IARS2: variants seen among roughly 807,000 people sequenced by gnomAD.
IARS2 encodes isoleucyl-tRNA synthetase 2, mitochondrial.
In IARS2, 56 loss-of-function variants were observed where a neutral mutation model predicts 126.3. The ratio of observed to expected loss-of-function variants is 0.44; its 90% confidence interval spans 0.36 to 0.55. IARS2 has a LOEUF of 0.55. Among genes scored for constraint, IARS2 ranks in the 20% least tolerant of loss-of-function variants. The pLI is 0.00. For missense variants in IARS2, 1,127 were observed against 1,245.9 expected (o/e 0.90, Z 1.44); for synonymous variants, 407 against 441.1 (o/e 0.92, Z 0.97).
intron 19 of IARS2, among the ~76,000 whole-genome samples, 194 bp downstream of exon 19, chr1:220,140,483 G>A (rs1657465179): frequency 6.6e-6 from 1 of 152,146 alleles, no homozygotes. Flanking sequence ...GGAGACTGAG[G>A]CACGAGAATC....
At chr1:220,139,934 T>C (rs1337397477) in intron 18 of IARS2, among the ~76,000 whole-genome samples, 2 of 152,192 alleles carry the variant, frequency 1.3e-5, no homozygotes, top group African/African-American at 2.4e-5. Flanking sequence ...ATTTTGTTAT[T>C]TACAATCTCA....
chr1:220,110,153 G>T (rs1656767777), intron 10 of IARS2, among the ~76,000 whole-genome samples: 1 of 151,306 alleles, frequency 6.6e-6, no homozygotes, highest in Non-Finnish European at 1.5e-5. Context: ...TTTAGCTTAG[G>T]TTCAAATGAT....
chr1:220,140,125 A>C, intron 18 of IARS2, 58 bp from the exon 19 acceptor site: 3 of 960,194 alleles, frequency 3.1e-6, no homozygotes, highest in Non-Finnish European at 5.1e-6. Context: ...GCTTGTGATG[A>C]CTTACATTTT....
intron 14 of IARS2, among the ~76,000 whole-genome samples, chr1:220,129,663 A>G (rs1220148532): frequency 6.6e-6 from 1 of 152,136 alleles, no homozygotes; most frequent in Non-Finnish European, 1.5e-5. Flanking sequence ...AGTTCCATCC[A>G]TGTTGCTGCT....
chr1:220,114,273 C>G (rs978549848), intron 11 of IARS2, 41 bp from the exon 12 acceptor site: 1 of 1,556,998 alleles, frequency 6.4e-7, no homozygotes, highest in African/African-American at 1.4e-5. Flanking sequence ...AATACTTGTT[C>G]TGCTTTCTCT....
At chr1:220,123,478 T>C (rs1039713677) in intron 12 of IARS2, among the ~76,000 whole-genome samples, 1 of 152,190 alleles carries the variant, frequency 6.6e-6, no homozygotes, top group African/African-American at 2.4e-5. Flanking sequence ...ATTTATTTAT[T>C]TATTATTTTT....
At chr1:220,120,358 AG>A (rs1400046275) in intron 12 of IARS2, among the ~76,000 whole-genome samples, 1 of 148,648 alleles carries the variant, frequency 6.7e-6, no homozygotes, top group Non-Finnish European at 1.5e-5. Context: ...CTGGGATTAT[AG>A]GCGTGAACCA....
At chr1:220,140,080 C>T in intron 18 of IARS2, 103 bp from the exon 19 acceptor site, 1 of 699,868 alleles carries the variant, frequency 1.4e-6, no homozygotes, top group Admixed American at 2.4e-5. Context: ...TTGTATTTGT[C>T]TCATTGAAAC....
chr1:220,105,231 C>T (rs1446808089), intron 8 of IARS2, among the ~76,000 whole-genome samples: 2 of 152,216 alleles, frequency 1.3e-5, no homozygotes, highest in Admixed American at 6.5e-5. Flanking sequence ...TGAGCTACTG[C>T]ACCCAGCCCC....
Position 220,103,544 on chromosome 1 carries a change from A to T in IARS2, c.1048A>T (p.Thr350Ser). The T allele has an allele frequency of 2.5e-6, 4 of 1,607,702 alleles. No individual in the cohort carries two copies. The highest frequency in any genetic ancestry group is 3.4e-6 in the Non-Finnish European group (4 of 1,174,292). The change falls in exon 8 of 23, where the codon ACT (threonine) becomes TCT (serine). Residue 350 changes from threonine to serine, a missense_variant. Coordinates refer to ENST00000366922, the MANE Select transcript of IARS2 (RefSeq NM_018060.4). Reference protein sequence around the residue: ...VASTLETTFETISTLSGVDLE... With the variant: ...VASTLETTFESISTLSGVDLE... ...TTCTACTTTGGAAACAACATTTGAGACTATTTCAACACTTTCAGGTGAAGA... is the reference window on the plus strand; with the variant it reads ...TTCTACTTTGGAAACAACATTTGAGTCTATTTCAACACTTTCAGGTGAAGA...
At chr1:220,133,692 A>T (rs541929083) in intron 14 of IARS2, among the ~76,000 whole-genome samples, 1 of 152,178 alleles carries the variant, frequency 6.6e-6, no homozygotes, top group Non-Finnish European at 1.5e-5. Flanking sequence ...ATAAAGTATC[A>T]TGAAGAATTA....
chr1:220,101,333 C>T (rs1291747239), intron 3 of IARS2, among the ~76,000 whole-genome samples: 1 of 152,078 alleles, frequency 6.6e-6, no homozygotes, highest in Non-Finnish European at 1.5e-5. Flanking sequence ...TTTGCAATTC[C>T]AGTTAATTTT....
chr1:220,132,391 T>C (rs1657288146), intron 14 of IARS2, among the ~76,000 whole-genome samples: 1 of 152,204 alleles, frequency 6.6e-6, no homozygotes, highest in Non-Finnish European at 1.5e-5. Flanking sequence ...GGTTTAATCT[T>C]GGTAGGTTGT....
At chr1:220,101,379 C>T (rs1350601149) in intron 3 of IARS2, among the ~76,000 whole-genome samples, 2 of 152,130 alleles carry the variant, frequency 1.3e-5, no homozygotes, top group Non-Finnish European at 2.9e-5. Context: ...ACACTGTTGA[C>T]CTTCAAATTA....
In IARS2 at chr1:220,144,257, T is replaced by C. The variant is rs1657544098; in HGVS notation, c.2751+1123T>C. On this transcript the variant is annotated intron_variant, in intron 21 of 22. Coordinates refer to ENST00000366922, the MANE Select transcript of IARS2 (RefSeq NM_018060.4). ...ACGGTGAGAAACAGGATGATGACTT[T>C]GGAGCACGGCCTAATAAGCACCTGG... 3 of 766,038 alleles carry C rather than the reference T, an allele frequency of 3.9e-6. No homozygotes were observed. The African/African-American group carries it at 5.1e-5, about 13-fold the overall frequency. 47.5% of individuals were successfully genotyped at this position (766,038 alleles called of 1,614,324 possible).
chr1:220,145,149 G>A (rs1486911931), intron 21 of IARS2, among the ~76,000 whole-genome samples: 1 of 151,504 alleles, frequency 6.6e-6, no homozygotes, highest in Admixed American at 6.6e-5. Flanking sequence ...ACCACGTATG[G>A]GTTGAGAATC....
intron 12 of IARS2, among the ~76,000 whole-genome samples, chr1:220,114,902 G>C (rs556837230): frequency 6.6e-6 from 1 of 151,218 alleles, no homozygotes; most frequent in South Asian, 2.1e-4. Flanking sequence ...GTAGTTAAAT[G>C]CACATGATTA....
In IARS2 at chr1:220,102,759, G is replaced by T; in HGVS notation, c.932G>T (p.Cys311Phe). The T allele has an allele frequency of 6.2e-7, 1 of 1,611,162 alleles. No homozygotes were observed. Among genetic ancestry groups the T allele is most frequent in the Non-Finnish European group, 8.5e-7 (1 of 1,177,388 alleles). ...PWTIPANEAV[C>F]YMPESKYAVV... Reference sequence around the variant, plus strand: ...ACGATTCCAGCCAATGAAGCTGTTTGCTATATGCCTGAATCAAAGTGGGTA... The same window carrying T: ...ACGATTCCAGCCAATGAAGCTGTTTTCTATATGCCTGAATCAAAGTGGGTA... Residue 311 changes from cysteine (C) to phenylalanine (F), a missense_variant, in exon 7 of 23, where the codon TGC (cysteine) becomes TTC (phenylalanine). Cys to Phe is a radical substitution (Grantham distance 205, BLOSUM62 -2). Coordinates refer to ENST00000366922, the MANE Select transcript of IARS2 (RefSeq NM_018060.4).
Position 220,125,303 on chromosome 1 carries a change from C to T in IARS2, c.1707C>T (p.Pro569=), listed in dbSNP as rs557160675. The change falls in exon 13 of 23, where the codon CCC becomes CCT. Residue 569 remains proline (P), a synonymous_variant. Coordinates refer to ENST00000366922, the MANE Select transcript of IARS2 (RefSeq NM_018060.4). The stretch of plus-strand genomic sequence containing the variant: ...GCAGTGATATCTGGTGGACTCTTCC[C>T]CCTGAACAACTTCTTCCAAAAGAAG... ...QHGSDIWWTL[P]PEQLLPKEVL... 5.0e-6 allele frequency: 8 copies of T among 1,613,502 alleles called. No individual in the cohort carries two copies. In the Admixed American group the frequency reaches 1.0e-4, roughly 20 times the overall value.
Sources: allele counts gnomAD v4.1 joint callset (sites outside exome capture counted in the v4.1 genomes callset), GRCh38; gene constraint gnomAD v4.1.1; transcripts MANE v1.5; gene names NCBI Gene and HGNC (gene_info 2026-07-23, HGNC 2026-07-21).